The following LRRC53 variants were observed in gnomAD, a reference collection of about 807,000 sequenced individuals.
LRRC53 encodes the protein leucine-rich repeat-containing protein 53.
In LRRC53, 25 loss-of-function variants were observed where a neutral mutation model predicts 13.6. The ratio of observed to expected loss-of-function variants is 1.83; its 90% CI spans 1.34 to 2.56. LRRC53 has a LOEUF of 2.56. Ranked by LOEUF, LRRC53 falls within the 30% of genes most tolerant of loss-of-function variation. The pLI is 0.00. For missense variants in LRRC53, 527 were observed against 275.8 expected, an observed-to-expected ratio of 1.91 and a Z score of -6.45; for synonymous variants, 204 against 109.8, an observed-to-expected ratio of 1.86 and a Z score of -5.37.
intron 3 of LRRC53, among the ~76,000 whole-genome samples, chr1:74,477,078 A>C (rs1557592412): frequency 6.6e-6 from 1 of 152,164 alleles, no homozygotes; most frequent in Non-Finnish European, 1.5e-5. Context: ...TTGTAGCAAA[A>C]TTATGTAAAT....
chr1:74,495,116 C>A (rs45587240), intron 1 of LRRC53, among the ~76,000 whole-genome samples: 1 of 152,104 alleles, frequency 6.6e-6, no homozygotes, highest in Non-Finnish European at 1.5e-5. Context: ...TGTTTTATAG[C>A]CTTCTGGCCC....
At chr1:74,486,063 T>G (rs1668742799) in intron 1 of LRRC53, among the ~76,000 whole-genome samples, 1 of 152,202 alleles carries the variant, frequency 6.6e-6, no homozygotes, top group South Asian at 2.1e-4. Context: ...AGGTTTATGG[T>G]AATTTGTTAT....
At chr1:74,480,085 A>T (rs945667083) in intron 3 of LRRC53, 68 bp downstream of exon 3, 9 of 648,546 alleles carry the variant, frequency 1.4e-5, no homozygotes, top group Admixed American at 7.3e-5. Context: ...GATAAGCATC[A>T]CTTAGCATGC....
chr1:74,536,593 A>G, the LRRC53 span, among the ~76,000 whole-genome samples: 2 of 152,158 alleles, frequency 1.3e-5, no homozygotes, highest in Non-Finnish European at 2.9e-5. Flanking sequence ...CTAATATAAC[A>G]TGGTAGTATG....
chr1:74,500,899 C>A (rs1442253474), intron 1 of LRRC53, among the ~76,000 whole-genome samples: 4 of 151,818 alleles, frequency 2.6e-5, no homozygotes, highest in Non-Finnish European at 5.9e-5. Context: ...TAGAAGTCTT[C>A]TTTATCTTTG....
chr1:74,475,717 C>T lies in LRRC53; in HGVS notation c.998G>A (p.Cys333Tyr), dbSNP rs1387529551. 3 of 696,266 alleles carry T rather than the reference C, an allele frequency of 4.3e-6. No homozygotes were observed. Among genetic ancestry groups the T allele is most frequent in the Non-Finnish European group, 8.0e-6 (3 of 374,880 alleles). The allele number at this position is 696,266 out of a possible 1,614,324, so 43.1% of individuals were successfully genotyped here. A position where few individuals can be genotyped will look rare whatever the true frequency, so the allele number is the denominator to read the frequency against. The part of the protein sequence containing the change: ...ANEHTSENLC[C>Y]RTFDEPLCAH... ...ACACAGGGGTTCATCGAAGGTTCTG[C>T]AACAAAGGTTTTCTGATGTGTGTTC... is the stretch of plus-strand genomic sequence containing the variant. Residue 333 changes from cysteine (C) to tyrosine (Y), a missense_variant, in exon 4 of 5, where the codon TGC becomes TAC. By Grantham distance (194) the Cys-to-Tyr change is radical (BLOSUM62 -2). Coordinates refer to ENST00000294635, the MANE Select transcript of LRRC53 (RefSeq NM_001382280.1).
At chr1:74,531,553 T>A in the LRRC53 span, among the ~76,000 whole-genome samples, 1 of 152,196 alleles carries the variant, frequency 6.6e-6, no homozygotes, top group Non-Finnish European at 1.5e-5. Context: ...TTTAAATAGA[T>A]CTGTTTTCAG....
At chr1:74,507,278 G>A (rs543913180) in intron 1 of LRRC53, among the ~76,000 whole-genome samples, 4 of 137,128 alleles carry the variant, frequency 2.9e-5, no homozygotes, top group Non-Finnish European at 4.6e-5. Context: ...TTAAGACCAA[G>A]TTCAATCCCA....
chr1:74,509,903 G>C (rs1375951275), intron 1 of LRRC53, among the ~76,000 whole-genome samples: 2 of 151,580 alleles, frequency 1.3e-5, no homozygotes, highest in African/African-American at 4.8e-5. Flanking sequence ...ACAGGCATAC[G>C]CCACTGCACT....
the LRRC53 span, among the ~76,000 whole-genome samples, chr1:74,531,628 C>G: frequency 6.6e-6 from 1 of 152,180 alleles, no homozygotes; most frequent in African/African-American, 2.4e-5. Context: ...GATTTATTAT[C>G]CTAGTGTAAA....
rs146411434 is a variant in LRRC53 at position 74,489,924 on chromosome 1, A to G, written c.-26-6549T>C. 2.9e-4 allele frequency among the ~76,000 whole-genome samples: 44 copies of G among 152,204 alleles called. No homozygotes were observed. In the East Asian group the frequency reaches 8.1e-3, roughly 28 times the overall value. Reference sequence around the variant, plus strand: ...TGGTGGAGGAAGACATACATCACACATAGAGGATCATATATGCATTTGCAT... The same window carrying G: ...TGGTGGAGGAAGACATACATCACACGTAGAGGATCATATATGCATTTGCAT... On this transcript the variant is annotated intron_variant, in intron 1 of 4. Coordinates refer to ENST00000294635, the MANE Select transcript of LRRC53 (RefSeq NM_001382280.1).
the LRRC53 span, among the ~76,000 whole-genome samples, chr1:74,529,016 G>A: frequency 2.0e-5 from 3 of 152,122 alleles, no homozygotes; most frequent in Non-Finnish European, 4.4e-5. Context: ...TCAACTATGA[G>A]TTAATTTGAG....
intron 1 of LRRC53, among the ~76,000 whole-genome samples, chr1:74,497,784 T>C (rs1669405927): frequency 2.0e-5 from 3 of 152,324 alleles, no homozygotes; most frequent in Non-Finnish European, 2.9e-5. Context: ...ATTCTAATTA[T>C]ATTATTTGCA....
chr1:74,513,466 C>T (rs1168262174), upstream of LRRC53, among the ~76,000 whole-genome samples: 1 of 152,226 alleles, frequency 6.6e-6, no homozygotes, highest in Non-Finnish European at 1.5e-5. Context: ...ACTTCAGACT[C>T]CTGCACATCT....
the LRRC53 span, among the ~76,000 whole-genome samples, chr1:74,527,155 A>C: frequency 1.3e-4 from 20 of 152,336 alleles, no homozygotes; most frequent in African/African-American, 4.6e-4. Context: ...AGGTCACTGT[A>C]AACAGTTTTA....
At chr1:74,501,980 T>C (rs889221620) in intron 1 of LRRC53, among the ~76,000 whole-genome samples, 1 of 152,184 alleles carries the variant, frequency 6.6e-6, no homozygotes, top group Admixed American at 6.5e-5. Flanking sequence ...TTTTATTTTT[T>C]CTGATTTACC....
intron 1 of LRRC53, among the ~76,000 whole-genome samples, chr1:74,506,137 C>A (rs1669886299): frequency 6.6e-6 from 1 of 152,138 alleles, no homozygotes; most frequent in South Asian, 2.1e-4. Context: ...GATGGCAATA[C>A]AGACCTGGCC....
chr1:74,503,779 T>A (rs892330377), intron 1 of LRRC53, among the ~76,000 whole-genome samples: 4 of 152,244 alleles, frequency 2.6e-5, no homozygotes, highest in African/African-American at 9.6e-5. Flanking sequence ...TCATAACTTC[T>A]TGAAATGCCC....
chr1:74,518,873 C>CTTTTTTTTTTTTTTTTTTTTTTTTT, the LRRC53 span, among the ~76,000 whole-genome samples: 6 of 100,358 alleles, frequency 6.0e-5, no homozygotes, highest in Non-Finnish European at 8.9e-5. Flanking sequence ...TTTTTTTTCC[C>CTTTTTTTTTTTTTTTTTTTTTTTTT]CTTTTTTTTT....
Sources: allele counts gnomAD v4.1 joint callset (sites outside exome capture counted in the v4.1 genomes callset), GRCh38; gene constraint gnomAD v4.1.1; transcripts MANE v1.5; gene names NCBI Gene and HGNC (gene_info 2026-07-23, HGNC 2026-07-21).